NBPF15: variants seen among roughly 807,000 people sequenced by gnomAD.
NBPF15 encodes the protein NBPF family member NBPF15.
A neutral mutation model predicts 62.2 loss-of-function variants in NBPF15; 74 were observed. The observed-to-expected ratio is 1.19, with a 90% CI of 0.99 to 1.44. The LOEUF is 1.44. Among genes scored for constraint, NBPF15 ranks in the 40% most tolerant of loss-of-function variants. The pLI, the probability that NBPF15 is intolerant of heterozygous loss-of-function variation, is 0.00. For missense variants in NBPF15, 790 were observed against 550.0 expected, an observed-to-expected ratio of 1.44 and a Z score of -4.36; for synonymous variants, 244 against 209.7, an observed-to-expected ratio of 1.16 and a Z score of -1.41.
In NBPF15 at chr1:144,422,987, A is replaced by T; in HGVS notation, c.*26T>A. The T allele has an allele frequency of 6.2e-7, 1 of 1,611,628 alleles. No individual in the cohort carries two copies. Among genetic ancestry groups the T allele is most frequent in the East Asian group, 2.2e-5 (1 of 44,856 alleles). Reference sequence around the variant, plus strand: ...CCTATAGGTCCTGCCTGCAGGAATGACATCTCTCGGCTTAGTAAGAGCTGC... The same window carrying T: ...CCTATAGGTCCTGCCTGCAGGAATGTCATCTCTCGGCTTAGTAAGAGCTGC... On this transcript the variant is annotated 3_prime_UTR_variant, in exon 22 of 22. Transcript: ENST00000581897.
At chr1:144,454,665 G>A (rs1474164298) in intron 4 of NBPF15, among the ~76,000 whole-genome samples, 1 of 144,214 alleles carries the variant, frequency 6.9e-6, no homozygotes, top group African/African-American at 2.9e-5. Flanking sequence ...AGCAGTTGGA[G>A]ATTTCAATGC....
chr1:144,423,210 C>T lies in NBPF15; in HGVS notation c.1816G>A (p.Asp606Asn). 3.1e-6 allele frequency: 5 copies of T among 1,611,528 alleles called. No homozygotes were observed. Among genetic ancestry groups the T allele is most frequent in the South Asian group, 1.1e-5 (1 of 90,970 alleles). Reference sequence around the variant, plus strand: ...GTCGAATAACATCTATCCAGTGAGTCCTGTAAGACTTCAGGCTCTTCCACT... The same window carrying T: ...GTCGAATAACATCTATCCAGTGAGTTCTGTAAGACTTCAGGCTCTTCCACT... ...MEVEEPEVLQ[D>N]SLDRCYSTPS... The change falls in exon 22 of 22, where the codon GAC becomes AAC. Residue 606 changes from aspartate (D) to asparagine (N), a missense_variant. Transcript: ENST00000581897.
chr1:144,453,638 CAA>C (rs200525708), intron 4 of NBPF15, among the ~76,000 whole-genome samples: 5 of 36,408 alleles, frequency 1.4e-4, no homozygotes, highest in South Asian at 8.9e-4. Context: ...CAACACAAAG[CAA>C]AAAAAAAAAA....
intron 15 of NBPF15, 85 bp from the exon 16 acceptor site, chr1:144,428,075 G>T (rs1489165194): frequency 2.6e-6 from 2 of 767,908 alleles, no homozygotes; most frequent in Non-Finnish European, 4.8e-6. Flanking sequence ...CTAACATAAG[G>T]AAGAGTTTGA....
At chr1:144,431,734 C>T (rs1364213208) in intron 13 of NBPF15, among the ~76,000 whole-genome samples, 18 of 128,728 alleles carry the variant, frequency 1.4e-4, no homozygotes, top group Admixed American at 1.4e-3. Flanking sequence ...TGAGTAAGAA[C>T]ATGCGGTATT....
intron 6 of NBPF15, 80 bp from the exon 7 acceptor site, chr1:144,440,375 G>A (rs1681856138): frequency 1.2e-6 from 1 of 800,254 alleles, no homozygotes; most frequent in African/African-American, 1.8e-5. Flanking sequence ...CCCAGGCTTT[G>A]CTGAAACACA....
intron 2 of NBPF15, among the ~76,000 whole-genome samples, chr1:144,459,718 A>G (rs1175918735): frequency 1.1e-4 from 17 of 151,854 alleles, no homozygotes; most frequent in Admixed American, 3.3e-4. Flanking sequence ...ACAAATGACA[A>G]TAAAAGATAC....
chr1:144,439,354 C>A (rs1435665626), intron 8 of NBPF15, among the ~76,000 whole-genome samples: 1 of 151,936 alleles, frequency 6.6e-6, no homozygotes, highest in Non-Finnish European at 1.5e-5. Context: ...CTCTTGAAGC[C>A]CCTCAGAGCA....
At chr1:144,456,329 TC>T (rs1479215695) in intron 4 of NBPF15, among the ~76,000 whole-genome samples, 8 of 151,952 alleles carry the variant, frequency 5.3e-5, no homozygotes, top group Non-Finnish European at 8.8e-5. Context: ...TAAAATCACT[TC>T]CACCTGACGA....
At position 144,442,218 on chromosome 1, in the gene NBPF15, AAT is replaced by A. The variant is rs1213297313; in HGVS notation, c.-190-1925_-190-1924del. Reference sequence around the variant, plus strand: ...GTGTATATATATTATTAATATATATAATATATATATTAATAATATATATTATT... The same window carrying A: ...GTGTATATATATTATTAATATATATAATATATATTAATAATATATATTATT... On this transcript the variant is annotated intron_variant, in intron 6 of 21. Transcript: ENST00000581897. 2.0e-4 allele frequency among the ~76,000 whole-genome samples: 21 copies of A among 106,854 alleles called. 1 individual carries two copies. Among genetic ancestry groups the A allele is most frequent in the Admixed American group, 4.1e-4 (4 of 9,866 alleles). 70.1% of individuals were successfully genotyped at this position (106,854 alleles called of 152,430 possible). A position where few individuals can be genotyped will look rare whatever the true frequency, so the allele number is the denominator to read the frequency against.
At position 144,437,942 on chromosome 1, in the gene NBPF15, C is replaced by A. The variant is rs1480049376; in HGVS notation, c.278+3G>T. ...CCTGCCTGCCCCCATGGGGTCCCCT[C>A]ACCTGAGCTCCTCAGCTTGCTTGAG... On this transcript the variant is annotated splice_donor_region_variant and intron_variant, in intron 9 of 21. Coordinates refer to ENST00000581897, the MANE Select transcript of NBPF15 (RefSeq NM_001385408.1). 8 of 1,611,704 alleles carry A rather than the reference C, an allele frequency of 5.0e-6. No homozygotes were observed. Among genetic ancestry groups the A allele is most frequent in the Non-Finnish European group, 6.8e-6 (8 of 1,179,776 alleles).
chr1:144,455,476 C>T (rs1393015523), intron 4 of NBPF15, among the ~76,000 whole-genome samples: 3 of 151,972 alleles, frequency 2.0e-5, no homozygotes, highest in Non-Finnish European at 4.4e-5. Context: ...ACACATTATT[C>T]CTCTGGCCCA....
intron 6 of NBPF15, among the ~76,000 whole-genome samples, chr1:144,443,617 G>A (rs1685124511): frequency 1.3e-5 from 2 of 151,838 alleles, no homozygotes; most frequent in East Asian, 3.9e-4. Flanking sequence ...TGCTTTTAGG[G>A]GCCTTGTACC....
chr1:144,445,506 A>C, intron 6 of NBPF15, among the ~76,000 whole-genome samples: 1 of 149,046 alleles, frequency 6.7e-6, no homozygotes, highest in Non-Finnish European at 1.5e-5. Context: ...TCAACAAAAC[A>C]CATAATCTTG....
At chr1:144,458,107 T>C (rs1351859891) in intron 3 of NBPF15, among the ~76,000 whole-genome samples, 1 of 151,924 alleles carries the variant, frequency 6.6e-6, no homozygotes, top group African/African-American at 2.4e-5. Flanking sequence ...AAAAAAATTG[T>C]TCGATGTAGT....
At chr1:144,442,280 C>A (rs1256591050) in intron 6 of NBPF15, among the ~76,000 whole-genome samples, 1 of 109,036 alleles carries the variant, frequency 9.2e-6, no homozygotes, top group Non-Finnish European at 1.8e-5. Context: ...TATATATACA[C>A]GTGTATATAT....
chr1:144,423,768 G>A (rs1404485908), intron 21 of NBPF15, 102 bp downstream of exon 21: 4 of 710,812 alleles, frequency 5.6e-6, no homozygotes, highest in Non-Finnish European at 1.0e-5. Flanking sequence ...GAGTAATTCA[G>A]CCTTCGTTGA....
rs1160773590 is a variant in NBPF15 at position 144,422,930 on chromosome 1, T to C, written c.*83A>G. 67 of 1,611,212 alleles carry C rather than the reference T, an allele frequency of 4.2e-5. No individual in the cohort carries two copies. Among genetic ancestry groups the C allele is most frequent in the Non-Finnish European group, 5.3e-5 (62 of 1,179,484 alleles). Reference sequence around the variant, plus strand: ...CCCATCCTATGTCTGGGCTTCCAAATGGAACTGTACTTTCATTCAAATCTT... The same window carrying C: ...CCCATCCTATGTCTGGGCTTCCAAACGGAACTGTACTTTCATTCAAATCTT... On this transcript the variant is annotated 3_prime_UTR_variant, in exon 22 of 22. Coordinates refer to ENST00000581897, the MANE Select transcript of NBPF15 (RefSeq NM_001385408.1).
intron 13 of NBPF15, among the ~76,000 whole-genome samples, chr1:144,432,907 C>T (rs1429280201): frequency 6.6e-6 from 1 of 151,484 alleles, no homozygotes; most frequent in African/African-American, 2.4e-5. Flanking sequence ...GAGACAGAAG[C>T]TTAACAAGGA....
Sources: gnomAD v4.1 joint callset for allele counts (sites outside exome capture counted in the v4.1 genomes callset) on GRCh38, gnomAD v4.1.1 for gene constraint, MANE v1.5 for transcripts, NCBI Gene and HGNC (gene_info 2026-07-23, HGNC 2026-07-21) for gene names.